The following GRID2 variants were observed in gnomAD, a reference collection of about 807,000 sequenced individuals.
GRID2 encodes glutamate receptor ionotropic, delta-2.
GRID2 carries 33 observed loss-of-function variants against 114.8 expected under a neutral mutation model. That is an observed-to-expected ratio of 0.29 (90% CI 0.22 to 0.38). The LOEUF is 0.38. Among genes scored for constraint, GRID2 ranks in the 10% least tolerant of loss-of-function variants. The probability of loss-of-function intolerance (pLI) is 1.00; values close to 1 mark genes in which losing one functional copy is unlikely to be tolerated. For synonymous variants in GRID2, 505 were observed against 449.9 expected (o/e 1.12, Z -1.55); for missense variants, 1,184 against 1,257.7 (o/e 0.94, Z 0.89).
intron 2 of GRID2, among the ~76,000 whole-genome samples, chr4:92,781,385 A>G (rs1272198916): frequency 6.6e-6 from 1 of 152,178 alleles, no homozygotes; most frequent in African/African-American, 2.4e-5. Flanking sequence ...CATTAATTGA[A>G]GTTTTCAAAC....
intron 2 of GRID2, among the ~76,000 whole-genome samples, chr4:92,844,547 A>G (rs1487092335): frequency 6.6e-6 from 1 of 151,872 alleles, no homozygotes; most frequent in Non-Finnish European, 1.5e-5. Context: ...TCTAATCATC[A>G]TCATCATCAT....
chr4:93,209,700 T>A (rs974249135), intron 5 of GRID2, among the ~76,000 whole-genome samples: 1 of 152,094 alleles, frequency 6.6e-6, no homozygotes, highest in Non-Finnish European at 1.5e-5. Context: ...ATTGAACAAA[T>A]TTACACTCCC....
intron 1 of GRID2, among the ~76,000 whole-genome samples, chr4:92,552,057 GTGACTGA>G (rs1467670595): frequency 6.6e-6 from 1 of 152,004 alleles, no homozygotes; most frequent in Non-Finnish European, 1.5e-5. Context: ...TGATTTTGAG[GTGACTGA>G]TACATTCAAG....
intron 2 of GRID2, among the ~76,000 whole-genome samples, chr4:92,941,354 A>G (rs984315957): frequency 6.0e-4 from 91 of 152,200 alleles, no homozygotes; most frequent in African/African-American, 2.1e-3. Context: ...GTTTATTTGC[A>G]TAGAGGTGTT....
At chr4:92,742,430 C>T (rs936865133) in intron 2 of GRID2, among the ~76,000 whole-genome samples, 1 of 151,866 alleles carries the variant, frequency 6.6e-6, no homozygotes, top group African/African-American at 2.4e-5. Context: ...GATTTTTCTT[C>T]TTCATTTCTG....
chr4:93,250,698 G>T (rs139143072), intron 8 of GRID2, among the ~76,000 whole-genome samples: 3,191 of 144,534 alleles, frequency 0.022, 130 homozygotes, highest in East Asian at 0.19. Context: ...TATATAAAAT[G>T]TGCATGCGTA....
At chr4:92,692,126 T>G (rs1446539635) in intron 2 of GRID2, among the ~76,000 whole-genome samples, 1 of 152,148 alleles carries the variant, frequency 6.6e-6, no homozygotes, top group Non-Finnish European at 1.5e-5. Flanking sequence ...AAAATTAAGC[T>G]ATTGAAATTA....
chr4:93,234,044 T>A (rs954359875), intron 7 of GRID2, among the ~76,000 whole-genome samples: 1 of 152,068 alleles, frequency 6.6e-6, no homozygotes, highest in Non-Finnish European at 1.5e-5. Flanking sequence ...CATTTAGAAT[T>A]TACAAATCTG....
chr4:92,898,304 T>C (rs1747316871), intron 2 of GRID2, among the ~76,000 whole-genome samples: 1 of 152,116 alleles, frequency 6.6e-6, no homozygotes, highest in African/African-American at 2.4e-5. Flanking sequence ...CAAAGAAATA[T>C]AGTTACACAT....
At chr4:93,387,833 A>T (rs1396015267) in intron 8 of GRID2, among the ~76,000 whole-genome samples, 2 of 151,122 alleles carry the variant, frequency 1.3e-5, no homozygotes, top group Non-Finnish European at 3.0e-5. Context: ...CTGTCTCAAA[A>T]AAAAAAAAAA....
intron 8 of GRID2, among the ~76,000 whole-genome samples, chr4:93,353,797 T>C (rs1200099583): frequency 6.6e-6 from 1 of 151,950 alleles, no homozygotes; most frequent in Non-Finnish European, 1.5e-5. Flanking sequence ...ATATTAACAA[T>C]GGCCAAGGGA....
chr4:93,112,138 A>G (rs1732826762), intron 4 of GRID2: 1 of 152,166 alleles, frequency 6.6e-6, no homozygotes, highest in African/African-American at 2.4e-5. Flanking sequence ...GAGTGAGTAC[A>G]CAGAGGATGT....
chr4:93,080,823 T>C (rs894979003), intron 2 of GRID2, among the ~76,000 whole-genome samples: 2 of 152,180 alleles, frequency 1.3e-5, no homozygotes, highest in African/African-American at 2.4e-5. Context: ...CAGAAACTTA[T>C]TTTCTCACAG....
At chr4:92,568,191 C>G (rs985024252) in intron 1 of GRID2, among the ~76,000 whole-genome samples, 1 of 151,938 alleles carries the variant, frequency 6.6e-6, no homozygotes. Flanking sequence ...TGGGAATATA[C>G]TTTTTGTATT....
intron 2 of GRID2, among the ~76,000 whole-genome samples, chr4:92,906,963 G>A (rs963713289): frequency 1.3e-5 from 2 of 152,096 alleles, no homozygotes; most frequent in African/African-American, 4.8e-5. Context: ...CGTACTCAAC[G>A]AGAATCAACA....
At chr4:93,242,067 G>T (rs941459935) in intron 8 of GRID2, among the ~76,000 whole-genome samples, 5 of 151,908 alleles carry the variant, frequency 3.3e-5, no homozygotes, top group Admixed American at 1.3e-4. Flanking sequence ...GGTGATAAGG[G>T]GTAGGGGTAA....
At chr4:92,739,514 T>C (rs1736767838) in intron 2 of GRID2, among the ~76,000 whole-genome samples, 2 of 152,098 alleles carry the variant, frequency 1.3e-5, no homozygotes, top group South Asian at 2.1e-4. Context: ...AACACCTATA[T>C]TGGAAAGTGG....
intron 4 of GRID2, among the ~76,000 whole-genome samples, chr4:93,132,569 T>C (rs1266493160): frequency 6.6e-6 from 1 of 152,188 alleles, no homozygotes; most frequent in African/African-American, 2.4e-5. Context: ...AGGGATGGAA[T>C]TGGCTTACCT....
chr4:93,427,606 T>C (rs1768980731), intron 10 of GRID2, among the ~76,000 whole-genome samples: 3 of 151,978 alleles, frequency 2.0e-5, no homozygotes, highest in African/African-American at 7.2e-5. Context: ...CATATGATTA[T>C]TCCACAGTGA....
Sources: allele counts gnomAD v4.1 joint callset (sites outside exome capture counted in the v4.1 genomes callset), GRCh38; gene constraint gnomAD v4.1.1; transcripts MANE v1.5; gene names NCBI Gene and HGNC (gene_info 2026-07-23, HGNC 2026-07-21).